The following HS6ST3 variants were observed in gnomAD, a reference collection of about 807,000 sequenced individuals.
The protein encoded by HS6ST3 is heparan sulfate 6-O-sulfotransferase 3.
A neutral mutation model predicts 36.7 loss-of-function variants in HS6ST3; 12 were observed. That is an observed-to-expected ratio of 0.33 (90% confidence interval 0.21 to 0.53). The LOEUF (loss-of-function observed/expected upper bound fraction) is 0.53, where lower values mean the gene tolerates loss of function less well. Among genes scored for constraint, HS6ST3 ranks in the 20% least tolerant of loss-of-function variants. The pLI is 0.95. For synonymous variants in HS6ST3, 240 were observed against 257.5 expected, an observed-to-expected ratio of 0.93 and a Z score of 0.65; for missense variants, 584 against 640.9, an observed-to-expected ratio of 0.91 and a Z score of 0.96.
chr13:96,665,148 G>A (rs1555317400), intron 1 of HS6ST3, among the ~76,000 whole-genome samples: 2 of 152,114 alleles, frequency 1.3e-5, no homozygotes, highest in Non-Finnish European at 2.9e-5. Flanking sequence ...TCCAGCCTGG[G>A]CAATAGAGAC....
chr13:96,632,828 A>C (rs1342288236), intron 1 of HS6ST3, among the ~76,000 whole-genome samples: 1 of 152,230 alleles, frequency 6.6e-6, no homozygotes, highest in Non-Finnish European at 1.5e-5. Context: ...AACATGCGTG[A>C]TTAAAGAAAA....
At chr13:96,822,034 T>A (rs1016713917) in intron 1 of HS6ST3, among the ~76,000 whole-genome samples, 1 of 152,246 alleles carries the variant, frequency 6.6e-6, no homozygotes, top group African/African-American at 2.4e-5. Context: ...TTTCTACCTG[T>A]GTAATTCTCA....
intron 1 of HS6ST3, among the ~76,000 whole-genome samples, chr13:96,588,188 TACCTTTTTTTTTTTTCCACTTTAGAC>T (rs1176976601): frequency 7.4e-6 from 1 of 134,524 alleles, no homozygotes; most frequent in African/African-American, 2.5e-5. Context: ...AGGGACAATT[TACCTTTTTTTTTTTTCCACTTTAGAC>T]ACCTTTTTTT....
intron 1 of HS6ST3, among the ~76,000 whole-genome samples, chr13:96,751,861 A>G (rs1421094755): frequency 1.4e-5 from 2 of 147,952 alleles, no homozygotes; most frequent in Admixed American, 6.7e-5. Context: ...TGCATAACAT[A>G]GCCTTCTTCT....
chr13:96,727,699 T>A (rs1876041127), intron 1 of HS6ST3, among the ~76,000 whole-genome samples: 1 of 152,182 alleles, frequency 6.6e-6, no homozygotes, highest in Admixed American at 6.5e-5. Context: ...ACATACCTCA[T>A]GGTTTGGCAA....
At chr13:96,109,600 C>G (rs1437444273) in intron 1 of HS6ST3, among the ~76,000 whole-genome samples, 1 of 152,060 alleles carries the variant, frequency 6.6e-6, no homozygotes, top group Non-Finnish European at 1.5e-5. Flanking sequence ...TCTGTTTGTT[C>G]TGTTCTGGAG....
chr13:96,640,494 A>G (rs1566418216), intron 1 of HS6ST3, among the ~76,000 whole-genome samples: 1 of 151,646 alleles, frequency 6.6e-6, no homozygotes, highest in Admixed American at 6.6e-5. Flanking sequence ...GCTTGTGAAT[A>G]TTTTTTTCCC....
chr13:96,156,746 C>A (rs757643133), intron 1 of HS6ST3, among the ~76,000 whole-genome samples: 1 of 152,142 alleles, frequency 6.6e-6, no homozygotes, highest in African/African-American at 2.4e-5. Context: ...TATTACTGCC[C>A]CGTTTACCAC....
chr13:96,620,264 A>G lies in HS6ST3; in HGVS notation c.708-212226A>G, dbSNP rs986076776. On this transcript the variant is annotated intron_variant, in intron 1 of 1. Coordinates refer to ENST00000376705, the MANE Select transcript of HS6ST3 (RefSeq NM_153456.4). ...CCTAACACTTTGATGGTTTTCTATT[A>G]AGTATGGTTTAGTCAAGAAAATTGA... Among the ~76,000 whole-genome samples, 114 of 152,178 alleles carry G rather than the reference A, an allele frequency of 7.5e-4. 11 individuals carry two copies. The highest frequency in any genetic ancestry group is 4.4e-5 in the Non-Finnish European group (3 of 68,018).
At chr13:96,591,253 G>A (rs1287174383) in intron 1 of HS6ST3, among the ~76,000 whole-genome samples, 3 of 151,800 alleles carry the variant, frequency 2.0e-5, no homozygotes, top group African/African-American at 4.8e-5. Flanking sequence ...ATTTTTATAG[G>A]AATTTCACTG....
At chr13:96,500,217 A>G (rs1192211139) in intron 1 of HS6ST3, among the ~76,000 whole-genome samples, 3 of 152,162 alleles carry the variant, frequency 2.0e-5, no homozygotes, top group East Asian at 1.9e-4. Flanking sequence ...TTCACTTAGC[A>G]TAATGTCTTC....
intron 1 of HS6ST3, among the ~76,000 whole-genome samples, chr13:96,614,064 C>G (rs558144664): frequency 6.6e-6 from 1 of 151,642 alleles, no homozygotes. Context: ...TTTGGGAGGC[C>G]GAGGCGGGCG....
intron 1 of HS6ST3, among the ~76,000 whole-genome samples, chr13:96,714,219 A>G (rs1404960950): frequency 1.3e-5 from 2 of 152,238 alleles, no homozygotes; most frequent in African/African-American, 4.8e-5. Flanking sequence ...TAAAACATAT[A>G]CAAAGTAGAA....
At chr13:96,470,789 C>T (rs2055836846) in intron 1 of HS6ST3, among the ~76,000 whole-genome samples, 1 of 152,144 alleles carries the variant, frequency 6.6e-6, no homozygotes, top group Admixed American at 6.6e-5. Context: ...CATTTTCCTG[C>T]CCACCTGTAT....
At chr13:96,744,516 G>T (rs887356642) in intron 1 of HS6ST3, among the ~76,000 whole-genome samples, 1 of 152,046 alleles carries the variant, frequency 6.6e-6, no homozygotes, top group Middle Eastern at 3.2e-3. Context: ...GCATGAGGGG[G>T]AGGTTAAGGA....
At chr13:96,204,517 T>C (rs1646177810) in intron 1 of HS6ST3, among the ~76,000 whole-genome samples, 2 of 152,080 alleles carry the variant, frequency 1.3e-5, no homozygotes, top group African/African-American at 2.4e-5. Flanking sequence ...TCTACAGAAC[T>C]CTCCACCCAA....
rs932181899 is a variant in HS6ST3, at chr13:96,360,330, A to G, written c.707+268761A>G. ...GCTACTGACAAAAAAAAATAGGGGA[A>G]TGTCTTATTCAGTGCTCCATTGTTG... On this transcript the variant is annotated intron_variant, in intron 1 of 1. Transcript: ENST00000376705. Among the ~76,000 whole-genome samples the G allele has an allele frequency of 2.0e-5, 3 of 152,002 alleles. No individual in the cohort carries two copies. The South Asian group carries it at 6.2e-4, about 32-fold the overall frequency.
chr13:96,569,766 A>G (rs1307011156), intron 1 of HS6ST3, among the ~76,000 whole-genome samples: 1 of 152,224 alleles, frequency 6.6e-6, no homozygotes, highest in Non-Finnish European at 1.5e-5. Flanking sequence ...TTCTTTAAAT[A>G]GGGAATGTGG....
chr13:96,164,555 T>TG (rs2054152033), intron 1 of HS6ST3, among the ~76,000 whole-genome samples: 1 of 147,422 alleles, frequency 6.8e-6, no homozygotes, highest in Non-Finnish European at 1.5e-5. Context: ...AGACCCTGCC[T>TG]GAAAAAAAAA....
Sources: gnomAD v4.1 joint callset for allele counts (sites outside exome capture counted in the v4.1 genomes callset) on GRCh38, gnomAD v4.1.1 for gene constraint, MANE v1.5 for transcripts, NCBI Gene and HGNC (gene_info 2026-07-23, HGNC 2026-07-21) for gene names.